ADGRF3: variants seen among roughly 807,000 people sequenced by gnomAD.
The protein encoded by ADGRF3 is G protein-coupled receptor 113.
ADGRF3 carries 85 observed loss-of-function variants against 93.2 expected under a neutral mutation model. The ratio of observed to expected loss-of-function variants is 0.91; its 90% confidence interval spans 0.77 to 1.09. The LOEUF (loss-of-function observed/expected upper bound fraction) is 1.09, where lower values mean the gene tolerates loss of function less well. Ranked by LOEUF, ADGRF3 falls within the 50% of genes least tolerant of loss-of-function variation. The pLI is 0.00. For synonymous variants in ADGRF3, 534 were observed against 532.5 expected, an observed-to-expected ratio of 1.00 and a Z score of -0.04; for missense variants, 1,125 against 1,246.2, an observed-to-expected ratio of 0.90 and a Z score of 1.46.
chr2:26,321,698 G>A (rs1360831219), intron 1 of ADGRF3, among the ~76,000 whole-genome samples: 12 of 152,112 alleles, frequency 7.9e-5, no homozygotes, highest in East Asian at 5.8e-4. Flanking sequence ...GAGGCTGGGC[G>A]CGGTGGCTCA....
intron 1 of ADGRF3, among the ~76,000 whole-genome samples, chr2:26,337,191 C>T (rs1226047987): frequency 6.6e-6 from 1 of 152,186 alleles, no homozygotes; most frequent in Non-Finnish European, 1.5e-5. Flanking sequence ...CTTTGCCATT[C>T]CATCCATTAA....
rs183891623 is a variant in ADGRF3, at chr2:26,318,404, G to A, written c.115-842C>T. Among the ~76,000 whole-genome samples, 76 of 152,148 alleles carry A rather than the reference G, an allele frequency of 5.0e-4. 1 individual carries two copies. The highest frequency in any genetic ancestry group is 4.9e-3 in the Admixed American group (75 of 15,274). ...AGCCCAGGAGTTCAAGTCCAGCCTGGGCAACATGGTGAGAGCATGTCTTAA... is the reference window on the plus strand; with the variant it reads ...AGCCCAGGAGTTCAAGTCCAGCCTGAGCAACATGGTGAGAGCATGTCTTAA... On this transcript the variant is annotated intron_variant, in intron 1 of 13. Transcript: ENST00000651242.
At chr2:26,345,029 A>G (rs975264552) in intron 1 of ADGRF3, among the ~76,000 whole-genome samples, 5 of 152,208 alleles carry the variant, frequency 3.3e-5, no homozygotes, top group African/African-American at 7.2e-5. Context: ...AGAGACCCAG[A>G]GAGACTGAAA....
chr2:26,322,312 AAAAG>A (rs1234154857), intron 1 of ADGRF3, among the ~76,000 whole-genome samples: 2 of 151,726 alleles, frequency 1.3e-5, no homozygotes, highest in African/African-American at 4.8e-5. Context: ...GAAAAGAAAA[AAAAG>A]AAAGCTGATG....
At chr2:26,336,720 C>A (rs34314899) in intron 1 of ADGRF3, among the ~76,000 whole-genome samples, 10,559 of 39,994 alleles carry the variant, frequency 0.26, 944 homozygotes, top group Middle Eastern at 0.33. Context: ...AGTGAGACTC[C>A]ATAAAAAAAA....
At chr2:26,310,563 A>C in intron 10 of ADGRF3, 129 bp downstream of exon 10, 1 of 977,170 alleles carries the variant, frequency 1.0e-6, no homozygotes, top group Admixed American at 2.7e-5. Context: ...TGGGATCCAC[A>C]CCTAAGCCTT....
chr2:26,309,419 G>T, intron 13 of ADGRF3, 107 bp downstream of exon 13: 2 of 1,546,452 alleles, frequency 1.3e-6, no homozygotes, highest in Non-Finnish European at 8.7e-7. Context: ...GTGTGGGCTG[G>T]GTATAGAAAG....
At position 26,316,415 on chromosome 2, in the gene ADGRF3, C is replaced by T; in HGVS notation, c.359G>A (p.Cys120Tyr). 1.3e-6 allele frequency: 2 copies of T among 1,551,652 alleles called. No individual in the cohort carries two copies. Among genetic ancestry groups the T allele is most frequent in the Non-Finnish European group, 1.7e-6 (2 of 1,146,990 alleles). Residue 120 changes from cysteine to tyrosine, a missense_variant, in exon 4 of 14, where the codon TGT becomes TAT. Cys to Tyr is a radical substitution (Grantham distance 194). Transcript: ENST00000651242. ...CCACTGGTAGCCAGAGAGGCAAGCA[C>T]AATAGAAATTCCCCTTGTGGTTGAC... Reference protein sequence around the residue: ...CNVNHKGNFYCACLSGYQWNT... With the variant: ...CNVNHKGNFYYACLSGYQWNT...
intron 1 of ADGRF3, among the ~76,000 whole-genome samples, chr2:26,322,599 A>G (rs531787679): frequency 6.6e-6 from 1 of 152,306 alleles, no homozygotes; most frequent in East Asian, 1.9e-4. Flanking sequence ...ATATCTAGAA[A>G]AAGACTGGAG....
At chr2:26,329,141 G>A (rs914727281) in intron 1 of ADGRF3, among the ~76,000 whole-genome samples, 1 of 152,138 alleles carries the variant, frequency 6.6e-6, no homozygotes, top group East Asian at 1.9e-4. Context: ...CTTTATTTAT[G>A]TAATTATTTT....
chr2:26,339,715 CCTT>C lies in ADGRF3; in HGVS notation c.114+6403_114+6405del, dbSNP rs60225365. 5.3e-3 allele frequency among the ~76,000 whole-genome samples: 802 copies of C among 152,258 alleles called. 35 individuals carry two copies. The South Asian group carries it at 0.082, about 16-fold the overall frequency. On this transcript the variant is annotated intron_variant, in intron 1 of 13. Transcript: ENST00000651242. ...CTGCATGCTAGTATCTAATTATACGCCTTCTTAGAAGTTCCGGGGGCTAATCTT... is the reference window on the plus strand; with the variant it reads ...CTGCATGCTAGTATCTAATTATACGCCTTAGAAGTTCCGGGGGCTAATCTT...
intron 1 of ADGRF3, among the ~76,000 whole-genome samples, chr2:26,327,756 A>C (rs1192712641): frequency 6.6e-6 from 1 of 151,490 alleles, no homozygotes; most frequent in Non-Finnish European, 1.5e-5. Flanking sequence ...GAAAGAGGAA[A>C]GGGGCCCTAA....
intron 10 of ADGRF3, 99 bp downstream of exon 10, chr2:26,310,591 ATG>A: frequency 7.9e-7 from 1 of 1,265,186 alleles, no homozygotes; most frequent in Non-Finnish European, 1.1e-6. Flanking sequence ...TCCTGAACCT[ATG>A]TTTCTTCTGC....
intron 7 of ADGRF3, 39 bp downstream of exon 7, chr2:26,313,721 C>T: frequency 6.2e-7 from 1 of 1,609,790 alleles, no homozygotes; most frequent in South Asian, 1.1e-5. Flanking sequence ...CCAAGGCAAG[C>T]AGCTGGGACC....
intron 1 of ADGRF3, among the ~76,000 whole-genome samples, chr2:26,328,557 G>A (rs1282686557): frequency 2.0e-5 from 3 of 150,814 alleles, no homozygotes; most frequent in African/African-American, 2.4e-5. Context: ...AGGTTCAAGC[G>A]ATTCTCCTGC....
intron 1 of ADGRF3, among the ~76,000 whole-genome samples, chr2:26,323,153 A>G (rs1379915087): frequency 5.9e-5 from 9 of 152,242 alleles, no homozygotes; most frequent in African/African-American, 1.7e-4. Context: ...AAAAATCTAT[A>G]TATCTGTATA....
In ADGRF3 at chr2:26,314,473, C is replaced by T; in HGVS notation, c.869G>A (p.Cys290Tyr). Reference sequence around the variant, plus strand: ...GTAGGCCAGGTTTGTGCTGGGGATGCAGCAGCTCAGCTGGAAGCCAGGGGA... The same window carrying T: ...GTAGGCCAGGTTTGTGCTGGGGATGTAGCAGCTCAGCTGGAAGCCAGGGGA... ...ATSPGFQLSC[C>Y]IPSTNLAYTA... The change falls in exon 6 of 14, where the codon TGC (cysteine) becomes TAC (tyrosine). Residue 290 changes from cysteine to tyrosine, a missense_variant. By Grantham distance (194) the Cys-to-Tyr change is radical. Coordinates refer to ENST00000651242, the MANE Select transcript of ADGRF3 (RefSeq NM_001321971.2). The T allele has an allele frequency of 6.2e-7, 1 of 1,614,024 alleles. No individual in the cohort carries two copies. Among genetic ancestry groups the T allele is most frequent in the Non-Finnish European group, 8.5e-7 (1 of 1,179,906 alleles).
chr2:26,310,724 G>C lies in ADGRF3; in HGVS notation c.2800C>G (p.His934Asp). 2 of 1,612,732 alleles carry C rather than the reference G, an allele frequency of 1.2e-6. No homozygotes were observed. Among genetic ancestry groups the C allele is most frequent in the Non-Finnish European group, 1.7e-6 (2 of 1,179,362 alleles). The change falls in exon 10 of 14, where the codon CAT becomes GAT. Residue 934 changes from histidine to aspartate, a missense_variant. Physicochemically the swap from His to Asp is moderately conservative, Grantham distance 81. Transcript: ENST00000651242. The stretch of plus-strand genomic sequence containing the variant: ...GTGTTGAGAATGGTGAAGATGTAAT[G>C]AGGGACCGTGGAGACTTCCTCTAAC... ...TLLEEVSTVP[H>D]YIFTILNTLQ... is the part of the protein sequence containing the mutation.
At position 26,311,133 on chromosome 2, in the gene ADGRF3, C is replaced by T. The variant is rs779588641; in HGVS notation, c.2391G>A (p.Val797=). 25 of 1,595,762 alleles carry T rather than the reference C, an allele frequency of 1.6e-5. No homozygotes were observed. Among genetic ancestry groups the T allele is most frequent in the African/African-American group, 5.4e-5 (4 of 74,476 alleles). Reference sequence around the variant, plus strand: ...AGACAAAGAGCAGCTGGTGGGCCAACACCAGGGCCTGCGCCAGCATCCAGA... The same window carrying T: ...AGACAAAGAGCAGCTGGTGGGCCAATACCAGGGCCTGCGCCAGCATCCAGA... ...TFFWMLAQAL[V]LAHQLLFVFH... is the part of the protein sequence containing the mutation. Residue 797 remains valine, a synonymous_variant, in exon 10 of 14, where the codon GTG becomes GTA. Coordinates refer to ENST00000651242, the MANE Select transcript of ADGRF3 (RefSeq NM_001321971.2).
Sources: allele counts gnomAD v4.1 joint callset (sites outside exome capture counted in the v4.1 genomes callset), GRCh38; gene constraint gnomAD v4.1.1; transcripts MANE v1.5; gene names NCBI Gene and HGNC (gene_info 2026-07-23, HGNC 2026-07-21).